Variants in RNF150 observed in about 807,000 individuals in gnomAD.
The protein encoded by RNF150 is ring finger protein 150.
In RNF150, 24 loss-of-function variants were observed where a neutral mutation model predicts 39.3. The ratio of observed to expected loss-of-function variants is 0.61; its 90% CI spans 0.44 to 0.86. The LOEUF (loss-of-function observed/expected upper bound fraction) is 0.86, where lower values mean the gene tolerates loss of function less well. Among genes scored for constraint, RNF150 ranks in the 40% least tolerant of loss-of-function variants. The probability of loss-of-function intolerance (pLI) is 0.00; values close to 1 mark genes in which losing one functional copy is unlikely to be tolerated. For missense variants in RNF150, 502 were observed against 587.8 expected, an observed-to-expected ratio of 0.85 and a Z score of 1.51; for synonymous variants, 255 against 227.3, an observed-to-expected ratio of 1.12 and a Z score of -1.10.
At chr4:141,197,375 A>G (rs1728217645) in intron 1 of RNF150, among the ~76,000 whole-genome samples, 1 of 152,180 alleles carries the variant, frequency 6.6e-6, no homozygotes, top group Non-Finnish European at 1.5e-5. Flanking sequence ...TAGTATTTCA[A>G]CATATAGTAT....
intron 1 of RNF150, among the ~76,000 whole-genome samples, chr4:141,050,832 G>C (rs1394480168): frequency 6.6e-6 from 1 of 152,150 alleles, no homozygotes; most frequent in Non-Finnish European, 1.5e-5. Flanking sequence ...CCATTCTCAG[G>C]TCTGGAGAAT....
At chr4:141,039,904 G>A (rs920718188) in intron 1 of RNF150, among the ~76,000 whole-genome samples, 5 of 152,132 alleles carry the variant, frequency 3.3e-5, no homozygotes, top group African/African-American at 1.2e-4. Context: ...AATATAGGAA[G>A]AAGCACGTTG....
intron 1 of RNF150, among the ~76,000 whole-genome samples, chr4:141,045,193 A>C (rs917977647): frequency 1.4e-4 from 22 of 152,230 alleles, no homozygotes; most frequent in African/African-American, 4.8e-4. Context: ...TAATGTAATG[A>C]AGTAGAATGC....
chr4:140,971,429 G>C lies in RNF150; in HGVS notation c.485-3556C>G, dbSNP rs184795030. 5.4e-3 allele frequency among the ~76,000 whole-genome samples: 827 copies of C among 152,246 alleles called. 2 individuals are homozygous for C. Among genetic ancestry groups the C allele is most frequent in the South Asian group, 8.1e-3 (39 of 4,826 alleles). ...TTTGGTATGGGAAAACCCACAAGGA[G>C]GTCCGGCTATTTGGGCAATTCTATT... On this transcript the variant is annotated intron_variant, in intron 1 of 6. Coordinates refer to ENST00000515673, the MANE Select transcript of RNF150 (RefSeq NM_020724.2).
At chr4:141,084,928 T>A (rs537389972) in intron 1 of RNF150, among the ~76,000 whole-genome samples, 20 of 152,324 alleles carry the variant, frequency 1.3e-4, no homozygotes, top group Non-Finnish European at 2.4e-4. Flanking sequence ...TGTGACTTCC[T>A]TTGCCAATAT....
At position 141,184,551 on chromosome 4, in the gene RNF150, G is replaced by A. The variant is rs185899410; in HGVS notation, c.-6+28243C>T. Among the ~76,000 whole-genome samples, 182 of 152,120 alleles carry A rather than the reference G, an allele frequency of 1.2e-3. 2 individuals are homozygous for A. The highest frequency in any genetic ancestry group is 5.6e-3 in the Admixed American group (86 of 15,280). ...TTTGGCTTTTTTTGCAATTGCTTTT[G>A]GTATTTTAGTCATGAAGTCTTTGCC... On this transcript the variant is annotated intron_variant, in intron 1 of 7. Transcript: ENST00000420921.
At chr4:141,012,629 A>G (rs1318240454) in intron 1 of RNF150, among the ~76,000 whole-genome samples, 1 of 151,924 alleles carries the variant, frequency 6.6e-6, no homozygotes, top group East Asian at 1.9e-4. Context: ...CCTGGCCAAC[A>G]TGGTGAAGCC....
At chr4:141,180,147 A>G (rs1164415443) in intron 1 of RNF150, among the ~76,000 whole-genome samples, 1 of 152,178 alleles carries the variant, frequency 6.6e-6, no homozygotes, top group Admixed American at 6.5e-5. Context: ...GCTGATGTTT[A>G]TTCAGTGGCT....
intron 1 of RNF150, among the ~76,000 whole-genome samples, chr4:141,095,474 G>T (rs1738737961): frequency 6.6e-6 from 1 of 152,152 alleles, no homozygotes; most frequent in Non-Finnish European, 1.5e-5. Context: ...TTGATAAAAT[G>T]GATAAATTGT....
At chr4:140,998,952 C>G (rs1413447250) in intron 1 of RNF150, among the ~76,000 whole-genome samples, 1 of 152,178 alleles carries the variant, frequency 6.6e-6, no homozygotes, top group Non-Finnish European at 1.5e-5. Context: ...CTAGGAGTTC[C>G]CAATCAGTGA....
chr4:140,985,639 G>A lies in RNF150; in HGVS notation c.485-17766C>T, dbSNP rs746231293. On this transcript the variant is annotated intron_variant, in intron 1 of 6. Coordinates refer to ENST00000515673, the MANE Select transcript of RNF150 (RefSeq NM_020724.2). ...GAAAATTTAGTAACCAAATTGAGATGTGCTGAAGTGTAAAATATATACTGG... is the reference window on the plus strand; with the variant it reads ...GAAAATTTAGTAACCAAATTGAGATATGCTGAAGTGTAAAATATATACTGG... Among the ~76,000 whole-genome samples the A allele has an allele frequency of 4.9e-4, 75 of 152,182 alleles. 1 individual carries two copies. Among genetic ancestry groups the A allele is most frequent in the Non-Finnish European group, 8.2e-4 (56 of 67,986 alleles).
rs548785865 is a variant in RNF150 at position 140,922,601 on chromosome 4, C to T, written c.987+3376G>A. On this transcript the variant is annotated intron_variant, in intron 5 of 6. Coordinates refer to ENST00000515673, the MANE Select transcript of RNF150 (RefSeq NM_020724.2). ...ATCAAGCTACCAATGACTTTCTTCACAGAATTGGAAAAAACTACTTTAAAA... is the reference window on the plus strand; with the variant it reads ...ATCAAGCTACCAATGACTTTCTTCATAGAATTGGAAAAAACTACTTTAAAA... Among the ~76,000 whole-genome samples, 6 of 151,712 alleles carry T rather than the reference C, an allele frequency of 4.0e-5. No homozygotes were observed. The South Asian group carries it at 6.2e-4, about 16-fold the overall frequency.
chr4:140,991,153 A>T (rs1171609365), intron 1 of RNF150, among the ~76,000 whole-genome samples: 9 of 152,082 alleles, frequency 5.9e-5, no homozygotes, highest in African/African-American at 2.2e-4. Context: ...TCTTTTGAGA[A>T]GTATCTGTTC....
At chr4:141,145,689 G>T (rs1727189015) in intron 1 of RNF150, among the ~76,000 whole-genome samples, 1 of 152,158 alleles carries the variant, frequency 6.6e-6, no homozygotes, top group Non-Finnish European at 1.5e-5. Flanking sequence ...AAAAGAAAAA[G>T]AAAATCTCAT....
intron 1 of RNF150, among the ~76,000 whole-genome samples, chr4:140,977,202 C>T (rs1057123642): frequency 1.3e-5 from 2 of 152,166 alleles, no homozygotes; most frequent in Non-Finnish European, 2.9e-5. Flanking sequence ...CTGCCAAATA[C>T]ACAAATCAGC....
At chr4:141,012,058 A>G (rs1182799284) in intron 1 of RNF150, among the ~76,000 whole-genome samples, 3 of 152,234 alleles carry the variant, frequency 2.0e-5, no homozygotes, top group Non-Finnish European at 4.4e-5. Flanking sequence ...TACTCTTTTT[A>G]GAAATTACTT....
intron 1 of RNF150, among the ~76,000 whole-genome samples, chr4:141,188,471 C>T (rs1300694590): frequency 6.6e-6 from 1 of 152,188 alleles, no homozygotes; most frequent in East Asian, 1.9e-4. Context: ...CTCCCCGTCA[C>T]TTTCAGGTAC....
rs76376468 is a variant in RNF150, at chr4:141,118,450, C to T, written c.484+13875G>A. On this transcript the variant is annotated intron_variant, in intron 1 of 6. Transcript: ENST00000515673. Reference sequence around the variant, plus strand: ...ATCTATTCAAACTGCCTGCTATTAACGGAAGGGTAGTATGTCTGCTTTACC... The same window carrying T: ...ATCTATTCAAACTGCCTGCTATTAATGGAAGGGTAGTATGTCTGCTTTACC... Among the ~76,000 whole-genome samples, 1,101 of 152,180 alleles carry T rather than the reference C, an allele frequency of 7.2e-3. 16 individuals carry two copies. The highest frequency in any genetic ancestry group is 0.024 in the African/African-American group (1,016 of 41,526).
intron 1 of RNF150, among the ~76,000 whole-genome samples, chr4:141,092,142 G>C (rs1314113419): frequency 1.3e-5 from 2 of 152,158 alleles, no homozygotes; most frequent in Non-Finnish European, 2.9e-5. Flanking sequence ...TCAGGAGTTA[G>C]AGACCAGCCT....
Sources: gnomAD v4.1 joint callset for allele counts (sites outside exome capture counted in the v4.1 genomes callset) on GRCh38, gnomAD v4.1.1 for gene constraint, MANE v1.5 for transcripts, NCBI Gene and HGNC (gene_info 2026-07-23, HGNC 2026-07-21) for gene names.